DECR1: variants seen among roughly 807,000 people sequenced by gnomAD.
DECR1 encodes the protein 2,4-dienoyl-CoA reductase 1.
In DECR1, 44 loss-of-function variants were observed where a neutral mutation model predicts 38.8. The observed-to-expected ratio is 1.13, with a 90% CI of 0.89 to 1.46. The LOEUF (loss-of-function observed/expected upper bound fraction) is 1.46. Ranked by LOEUF, DECR1 falls within the 40% of genes most tolerant of loss-of-function variation. The probability of loss-of-function intolerance (pLI) is 0.00; values close to 1 mark genes in which losing one functional copy is unlikely to be tolerated. For missense variants in DECR1, 428 were observed against 405.5 expected, an observed-to-expected ratio of 1.06 and a Z score of -0.48; for synonymous variants, 148 against 135.2, an observed-to-expected ratio of 1.09 and a Z score of -0.66.
At chr8:90,026,151 G>C (rs7464596) in intron 5 of DECR1, among the ~76,000 whole-genome samples, 4 of 152,176 alleles carry the variant, frequency 2.6e-5, no homozygotes, top group South Asian at 2.1e-4. Context: ...ATTTTTGCAT[G>C]GATGTTCATC....
At chr8:90,005,558 T>C (rs571162422) in intron 1 of DECR1, 15 of 412,170 alleles carry the variant, frequency 3.6e-5, no homozygotes, top group South Asian at 1.8e-4. Flanking sequence ...TACATAACTC[T>C]GGAGGAGGGC....
intron 5 of DECR1, among the ~76,000 whole-genome samples, chr8:90,031,882 T>A (rs1230596776): frequency 6.6e-6 from 1 of 152,114 alleles, no homozygotes; most frequent in East Asian, 1.9e-4. Flanking sequence ...CCTTCGGTGA[T>A]AGGTAAAGTT....
At chr8:90,007,047 A>G (rs1334073607) in intron 1 of DECR1, among the ~76,000 whole-genome samples, 1 of 152,140 alleles carries the variant, frequency 6.6e-6, no homozygotes, top group East Asian at 1.9e-4. Flanking sequence ...AGAGGAGAGA[A>G]TGTTAATTCT....
intron 8 of DECR1, among the ~76,000 whole-genome samples, chr8:90,045,559 G>A (rs1348213199): frequency 6.6e-6 from 1 of 152,226 alleles, no homozygotes; most frequent in Non-Finnish European, 1.5e-5. Context: ...GCCCACCACA[G>A]CTCAAGGAGG....
rs1268604276 is a variant in DECR1, at chr8:90,036,825, C to A, written c.566-16C>A. 1 of 1,564,164 alleles carries A rather than the reference C, an allele frequency of 6.4e-7. No individual in the cohort carries two copies. ...CATCTATATTGCTAATCAACTGTAT[C>A]CTTTTAAAATTTCAGGAGCAGCATT... On this transcript the variant is annotated splice_polypyrimidine_tract_variant and intron_variant, in intron 5 of 9. Transcript: ENST00000220764.
chr8:90,032,533 C>G (rs1283102262), intron 5 of DECR1, among the ~76,000 whole-genome samples: 2 of 152,056 alleles, frequency 1.3e-5, no homozygotes, highest in African/African-American at 4.8e-5. Context: ...GTTATTTTGC[C>G]AAGTAAAATA....
At chr8:90,021,265 C>T (rs1813156188) in intron 5 of DECR1, among the ~76,000 whole-genome samples, 1 of 152,166 alleles carries the variant, frequency 6.6e-6, no homozygotes, top group Non-Finnish European at 1.5e-5. Flanking sequence ...AATCCAGAGA[C>T]AGGAATGACT....
Position 90,053,374 on chromosome 8 carries a change from T to G in DECR1, c.*1477T>G, listed in dbSNP as rs1814141127. Among the ~76,000 whole-genome samples the G allele has an allele frequency of 6.6e-6, 1 of 152,180 alleles. No individual in the cohort carries two copies. Among genetic ancestry groups the G allele is most frequent in the South Asian group, 2.1e-4 (1 of 4,832 alleles). ...CCCAAGAGAGCTTGTGCAGGGGAAC[T>G]CCCATTTATAAAACCATCAGATCTC... On this transcript the variant is annotated 3_prime_UTR_variant, in exon 10 of 10. Coordinates refer to ENST00000220764, the MANE Select transcript of DECR1 (RefSeq NM_001359.2).
chr8:90,023,201 G>A (rs1293044940), intron 5 of DECR1, among the ~76,000 whole-genome samples: 1 of 152,112 alleles, frequency 6.6e-6, no homozygotes, highest in Non-Finnish European at 1.5e-5. Context: ...GTTTTGCATG[G>A]GCATTGTACA....
At chr8:90,040,288 A>T (rs901075183) in intron 6 of DECR1, among the ~76,000 whole-genome samples, 2 of 152,194 alleles carry the variant, frequency 1.3e-5, no homozygotes, top group African/African-American at 4.8e-5. Context: ...AGCAATTTTT[A>T]TGTATGTTCT....
At chr8:90,024,622 C>A (rs1346340075) in intron 5 of DECR1, among the ~76,000 whole-genome samples, 1 of 151,980 alleles carries the variant, frequency 6.6e-6, no homozygotes, top group Non-Finnish European at 1.5e-5. Flanking sequence ...GATATTAGTC[C>A]TTTGTCAGAT....
At chr8:90,047,017 GAACTCC>G (rs1813925421) in intron 8 of DECR1, among the ~76,000 whole-genome samples, 1 of 152,086 alleles carries the variant, frequency 6.6e-6, no homozygotes, top group Admixed American at 6.5e-5. Context: ...TGCCTTACAA[GAACTCC>G]TGAAGGAAGC....
chr8:90,006,397 A>G (rs947793265), intron 1 of DECR1: 4 of 685,660 alleles, frequency 5.8e-6, no homozygotes, highest in African/African-American at 1.8e-5. Flanking sequence ...AGAGTAGTCT[A>G]TGTGAAGGCC....
chr8:90,037,703 C>T (rs921514193), intron 6 of DECR1, among the ~76,000 whole-genome samples: 2 of 152,136 alleles, frequency 1.3e-5, no homozygotes, highest in African/African-American at 2.4e-5. Flanking sequence ...CCTGCCTCAG[C>T]CTCCCAAAGT....
intron 8 of DECR1, 27 bp from the exon 9 acceptor site, chr8:90,051,650 C>G: frequency 6.3e-7 from 1 of 1,593,830 alleles, no homozygotes; most frequent in Non-Finnish European, 8.6e-7. Flanking sequence ...GAGTTAGTTT[C>G]AGAGTTTAAA....
At chr8:90,021,499 T>G (rs191038117) in intron 5 of DECR1, among the ~76,000 whole-genome samples, 182 of 152,180 alleles carry the variant, frequency 1.2e-3, no homozygotes, top group Non-Finnish European at 2.3e-3. Flanking sequence ...TGGGTTGGAG[T>G]GTAATTGGGA....
At chr8:90,047,369 G>A (rs2130171972) in intron 8 of DECR1, among the ~76,000 whole-genome samples, 1 of 152,064 alleles carries the variant, frequency 6.6e-6, no homozygotes, top group South Asian at 2.1e-4. Context: ...CAAAAAAAAA[G>A]CAGGGGTTGC....
intron 5 of DECR1, among the ~76,000 whole-genome samples, chr8:90,023,265 G>A (rs928372923): frequency 3.3e-5 from 5 of 152,096 alleles, no homozygotes; most frequent in African/African-American, 9.7e-5. Flanking sequence ...ATTGCAAATG[G>A]CACTGTTTTC....
chr8:90,029,912 C>A (rs1813453324), intron 5 of DECR1, among the ~76,000 whole-genome samples: 1 of 152,088 alleles, frequency 6.6e-6, no homozygotes, highest in African/African-American at 2.4e-5. Flanking sequence ...CAGCTCTAGT[C>A]CACTCCTCAC....
Sources: gnomAD v4.1 joint callset for allele counts (sites outside exome capture counted in the v4.1 genomes callset) on GRCh38, gnomAD v4.1.1 for gene constraint, MANE v1.5 for transcripts, NCBI Gene and HGNC (gene_info 2026-07-23, HGNC 2026-07-21) for gene names.